MAML2: variants seen among roughly 807,000 people sequenced by gnomAD.
MAML2 encodes the protein mastermind-like protein 2.
In MAML2, 22 loss-of-function variants were observed where a neutral mutation model predicts 96.1. That is an observed-to-expected ratio of 0.23 (90% CI 0.16 to 0.33). The LOEUF (loss-of-function observed/expected upper bound fraction) is 0.33, where lower values mean the gene tolerates loss of function less well. Ranked by LOEUF, MAML2 falls within the 10% of genes least tolerant of loss-of-function variation. MAML2 has a pLI of 1.00. For missense variants in MAML2, 1,367 were observed against 1,392.4 expected, an observed-to-expected ratio of 0.98 and a Z score of 0.29; for synonymous variants, 561 against 521.3, an observed-to-expected ratio of 1.08 and a Z score of -1.04.
chr11:96,109,830 C>T (rs754236875), intron 1 of MAML2, among the ~76,000 whole-genome samples: 3 of 152,028 alleles, frequency 2.0e-5, no homozygotes, highest in Non-Finnish European at 4.4e-5. Context: ...AGATCAGGAG[C>T]GAACTTTGGT....
At chr11:96,251,037 CAA>C (rs1437816114) in intron 1 of MAML2, among the ~76,000 whole-genome samples, 1 of 152,124 alleles carries the variant, frequency 6.6e-6, no homozygotes, top group African/African-American at 2.4e-5. Context: ...AAACAAATGC[CAA>C]AGTTTTTAGC....
At chr11:96,295,681 AAC>A (rs71745057) in intron 1 of MAML2, among the ~76,000 whole-genome samples, 77,806 of 146,886 alleles carry the variant, frequency 0.53, 20,763 homozygotes, top group Middle Eastern at 0.67. Flanking sequence ...CTGCTGCTGT[AAC>A]ACACACACAC....
chr11:96,178,836 G>A (rs1428783269), intron 1 of MAML2, among the ~76,000 whole-genome samples: 1 of 152,160 alleles, frequency 6.6e-6, no homozygotes, highest in African/African-American at 2.4e-5. Context: ...AAAGGATCAG[G>A]AGGATTTCTA....
At chr11:96,218,992 A>C (rs915676882) in intron 1 of MAML2, among the ~76,000 whole-genome samples, 4 of 152,190 alleles carry the variant, frequency 2.6e-5, no homozygotes, top group Non-Finnish European at 4.4e-5. Flanking sequence ...AGGTCTGCAA[A>C]ATTCCCAAAG....
chr11:96,020,046 G>A (rs1431915078), intron 2 of MAML2, among the ~76,000 whole-genome samples: 1 of 152,146 alleles, frequency 6.6e-6, no homozygotes, highest in African/African-American at 2.4e-5. Flanking sequence ...TCTCTACATG[G>A]TCAATGTTGG....
At chr11:95,995,459 T>G (rs552519252) in intron 2 of MAML2, among the ~76,000 whole-genome samples, 1 of 152,226 alleles carries the variant, frequency 6.6e-6, no homozygotes, top group East Asian at 1.9e-4. Context: ...GTACATTTAC[T>G]AAGTACCGTG....
rs80298168 is a variant in MAML2, at chr11:96,216,890, A to G, written c.514-123373T>C. Among the ~76,000 whole-genome samples the G allele has an allele frequency of 5.5e-3, 843 of 152,248 alleles. 8 individuals carry two copies. The highest frequency in any genetic ancestry group is 0.019 in the African/African-American group (802 of 41,526). Reference sequence around the variant, plus strand: ...TTTTGAATTGAGACTTGAAAAAGCAAAGGTTCACCAGGAGACAAAGGGCAG... The same window carrying G: ...TTTTGAATTGAGACTTGAAAAAGCAGAGGTTCACCAGGAGACAAAGGGCAG... On this transcript the variant is annotated intron_variant, in intron 1 of 4. Transcript: ENST00000524717.
At chr11:96,075,904 C>T (rs1475634761) in intron 2 of MAML2, among the ~76,000 whole-genome samples, 1 of 152,154 alleles carries the variant, frequency 6.6e-6, no homozygotes, top group Non-Finnish European at 1.5e-5. Context: ...TATGCTAATA[C>T]ATTTGAGCCA....
intron 2 of MAML2, among the ~76,000 whole-genome samples, chr11:96,055,530 T>C (rs887933253): frequency 6.6e-6 from 1 of 152,206 alleles, no homozygotes; most frequent in Non-Finnish European, 1.5e-5. Flanking sequence ...ATACTTTGTA[T>C]GAAAAGATGG....
intron 4 of MAML2, among the ~76,000 whole-genome samples, 186 bp from the exon 5 acceptor site, chr11:95,980,149 C>T (rs1411114170): frequency 6.6e-6 from 1 of 152,146 alleles, no homozygotes; most frequent in Non-Finnish European, 1.5e-5. Context: ...CCTGAGGTCA[C>T]TTTTTGGTTC....
chr11:96,087,850 C>G (rs530126079), intron 2 of MAML2, among the ~76,000 whole-genome samples: 1 of 152,262 alleles, frequency 6.6e-6, no homozygotes, highest in African/African-American at 2.4e-5. Flanking sequence ...TTGCAAAACA[C>G]CAAATTCATG....
chr11:96,057,090 T>TA, intron 2 of MAML2, among the ~76,000 whole-genome samples: 1 of 152,192 alleles, frequency 6.6e-6, no homozygotes, highest in Non-Finnish European at 1.5e-5. Context: ...CACCCAGATC[T>TA]ACAGTAGCAG....
At chr11:96,072,750 C>G (rs1416300229) in intron 2 of MAML2, among the ~76,000 whole-genome samples, 1 of 152,146 alleles carries the variant, frequency 6.6e-6, no homozygotes, top group Non-Finnish European at 1.5e-5. Flanking sequence ...GAGATCCAAC[C>G]TCATGCCAAA....
At chr11:96,106,379 G>T (rs10765789) in intron 1 of MAML2, among the ~76,000 whole-genome samples, 2 of 151,966 alleles carry the variant, frequency 1.3e-5, no homozygotes, top group African/African-American at 2.4e-5. Context: ...CTCAGAACAC[G>T]CTTATGAATT....
intron 1 of MAML2, among the ~76,000 whole-genome samples, chr11:96,295,458 G>C (rs1239516435): frequency 6.6e-6 from 1 of 152,146 alleles, no homozygotes; most frequent in African/African-American, 2.4e-5. Flanking sequence ...CGCACGCTAA[G>C]GTACTCTGCT....
intron 1 of MAML2, among the ~76,000 whole-genome samples, chr11:96,282,592 A>G (rs1005160132): frequency 6.6e-6 from 1 of 152,192 alleles, no homozygotes; most frequent in Non-Finnish European, 1.5e-5. Flanking sequence ...TAGAAGACAT[A>G]CTTTTTGCCA....
Position 95,985,478 on chromosome 11 carries a change from G to GT in MAML2, c.2455+52dup, listed in dbSNP as rs957827432. On this transcript the variant is annotated intron_variant, in intron 4 of 4. Transcript: ENST00000524717. The stretch of plus-strand genomic sequence containing the variant: ...GTTACAGGGATTATTGAAAATTGAA[G>GT]TTTTTTTTTCCTTTCACAGCTATAA... 2.6e-3 allele frequency: 2,780 copies of GT among 1,070,030 alleles called. 1 individual carries two copies. Among genetic ancestry groups the GT allele is most frequent in the Non-Finnish European group, 3.0e-3 (2,233 of 738,308 alleles). 66.3% of individuals were successfully genotyped at this position (1,070,030 alleles called of 1,614,324 possible).
intron 1 of MAML2, among the ~76,000 whole-genome samples, chr11:96,133,739 A>C (rs534971210): frequency 5.8e-4 from 88 of 152,348 alleles, no homozygotes; most frequent in Non-Finnish European, 9.6e-4. Context: ...CATGCCTATA[A>C]TCCCAGCACT....
chr11:96,158,610 T>C (rs533051885), intron 1 of MAML2, among the ~76,000 whole-genome samples: 5 of 152,226 alleles, frequency 3.3e-5, no homozygotes, highest in African/African-American at 9.6e-5. Flanking sequence ...ATATATGAAG[T>C]CTATTGTTTA....
Sources: gnomAD v4.1 joint callset for allele counts (sites outside exome capture counted in the v4.1 genomes callset) on GRCh38, gnomAD v4.1.1 for gene constraint, MANE v1.5 for transcripts, NCBI Gene and HGNC (gene_info 2026-07-23, HGNC 2026-07-21) for gene names.